The following ARHGAP42 variants were observed in gnomAD, a reference collection of about 807,000 sequenced individuals.
ARHGAP42 encodes Rho GTPase activating protein 42.
ARHGAP42 carries 63 observed loss-of-function variants against 125.0 expected under a neutral mutation model. The observed-to-expected ratio is 0.50, with a 90% confidence interval of 0.41 to 0.62. The LOEUF is 0.62. Among genes scored for constraint, ARHGAP42 ranks in the 20% least tolerant of loss-of-function variants. The pLI, the probability that ARHGAP42 is intolerant of heterozygous loss-of-function variation, is 0.00. For synonymous variants in ARHGAP42, 339 were observed against 351.0 expected, an observed-to-expected ratio of 0.97 and a Z score of 0.38; for missense variants, 766 against 1,024.2, an observed-to-expected ratio of 0.75 and a Z score of 3.44.
At chr11:100,903,709 A>AATATATATATATATATATATATATAT (rs139506492) in intron 4 of ARHGAP42, among the ~76,000 whole-genome samples, 1 of 63,516 alleles carries the variant, frequency 1.6e-5, no homozygotes, top group Non-Finnish European at 3.0e-5. Flanking sequence ...TGTCCCTCAA[A>AATATATATATATATATATATATATAT]ATATATATAT....
intron 4 of ARHGAP42, among the ~76,000 whole-genome samples, chr11:100,862,815 G>A (rs1239784486): frequency 6.6e-6 from 1 of 152,062 alleles, no homozygotes; most frequent in African/African-American, 2.4e-5. Context: ...TGGATCACCT[G>A]AGTTCGGGAG....
intron 1 of ARHGAP42, among the ~76,000 whole-genome samples, chr11:100,735,027 A>AAAC (rs1201558389): frequency 1.3e-5 from 2 of 152,174 alleles, no homozygotes; most frequent in African/African-American, 4.8e-5. Context: ...CAACAACAAC[A>AAAC]AAACCCTGTG....
intron 20 of ARHGAP42, 25 bp from the exon 21 acceptor site, chr11:100,976,790 C>G: frequency 6.5e-7 from 1 of 1,548,466 alleles, no homozygotes; most frequent in Non-Finnish European, 8.7e-7. Context: ...AGCACCTTGC[C>G]TATTTTCTTG....
At chr11:100,691,973 AATAC>A (rs1477473248) in intron 1 of ARHGAP42, among the ~76,000 whole-genome samples, 18 of 152,126 alleles carry the variant, frequency 1.2e-4, no homozygotes, top group Admixed American at 1.2e-3. Context: ...ATACACCATA[AATAC>A]ATACAACTTT....
chr11:100,849,911 T>C (rs550525136), intron 3 of ARHGAP42, among the ~76,000 whole-genome samples: 5 of 152,204 alleles, frequency 3.3e-5, no homozygotes, highest in Admixed American at 3.3e-4. Flanking sequence ...AATATTATGA[T>C]GCTTACGTTT....
At chr11:100,707,408 T>C (rs1244834743) in intron 1 of ARHGAP42, among the ~76,000 whole-genome samples, 1 of 152,224 alleles carries the variant, frequency 6.6e-6, no homozygotes, top group East Asian at 1.9e-4. Flanking sequence ...AAATTAATTA[T>C]TTTTCGTAAC....
intron 7 of ARHGAP42, 89 bp from the exon 8 acceptor site, chr11:100,936,110 AAAAT>A: frequency 6.8e-7 from 1 of 1,464,754 alleles, no homozygotes; most frequent in South Asian, 1.3e-5. Context: ...CTCTGTCTCA[AAAAT>A]AAATAAAAGC....
chr11:100,800,602 A>G (rs1231828856), intron 3 of ARHGAP42, among the ~76,000 whole-genome samples: 1 of 152,156 alleles, frequency 6.6e-6, no homozygotes, highest in Non-Finnish European at 1.5e-5. Flanking sequence ...AGATGAAGGA[A>G]GATCCGACCA....
At chr11:100,750,821 A>T (rs748697018) in intron 1 of ARHGAP42, among the ~76,000 whole-genome samples, 10 of 152,212 alleles carry the variant, frequency 6.6e-5, no homozygotes, top group Admixed American at 6.5e-5. Flanking sequence ...TACTGAACAT[A>T]CTGACATATT....
intron 5 of ARHGAP42, among the ~76,000 whole-genome samples, chr11:100,918,541 G>A (rs1450413125): frequency 6.6e-6 from 1 of 152,134 alleles, no homozygotes; most frequent in Non-Finnish European, 1.5e-5. Flanking sequence ...ATGAATCCTA[G>A]TGTTACTCTA....
chr11:100,769,163 T>A (rs1373236575), intron 1 of ARHGAP42, among the ~76,000 whole-genome samples: 1 of 152,236 alleles, frequency 6.6e-6, no homozygotes, highest in Non-Finnish European at 1.5e-5. Flanking sequence ...AAAAGATTTT[T>A]AAAAAGATGC....
intron 3 of ARHGAP42, among the ~76,000 whole-genome samples, chr11:100,808,083 A>G (rs1591197735): frequency 1.3e-5 from 2 of 152,252 alleles, no homozygotes; most frequent in South Asian, 2.1e-4. Context: ...ATAAACCTAA[A>G]TAGGCATGAG....
At chr11:100,715,258 A>G (rs73573374) in intron 1 of ARHGAP42, among the ~76,000 whole-genome samples, 2,441 of 151,914 alleles carry the variant, frequency 0.016, 75 homozygotes, top group African/African-American at 0.055. Flanking sequence ...CTACGCATTC[A>G]TTTCCTGTTC....
chr11:100,718,426 A>G (rs1171586407), intron 1 of ARHGAP42, among the ~76,000 whole-genome samples: 1 of 152,182 alleles, frequency 6.6e-6, no homozygotes, highest in Non-Finnish European at 1.5e-5. Flanking sequence ...ATTTTGTTCT[A>G]TTAAGAATAT....
intron 2 of ARHGAP42, among the ~76,000 whole-genome samples, chr11:100,785,822 T>G (rs1304313968): frequency 6.6e-6 from 1 of 152,232 alleles, no homozygotes; most frequent in Non-Finnish European, 1.5e-5. Flanking sequence ...GATAAGCCTG[T>G]TCTTTTCCTC....
intron 1 of ARHGAP42, among the ~76,000 whole-genome samples, chr11:100,726,535 A>C (rs1861864799): frequency 6.6e-6 from 1 of 152,250 alleles, no homozygotes; most frequent in Admixed American, 6.5e-5. Flanking sequence ...AAATGCAATG[A>C]CAGTTACCAT....
intron 3 of ARHGAP42, among the ~76,000 whole-genome samples, chr11:100,857,225 A>G (rs1457299336): frequency 6.6e-6 from 1 of 152,114 alleles, no homozygotes; most frequent in Non-Finnish European, 1.5e-5. Flanking sequence ...ACGGGAGAAG[A>G]AGAAAAAAAA....
intron 2 of ARHGAP42, among the ~76,000 whole-genome samples, chr11:100,776,976 T>C (rs1338679314): frequency 3.6e-5 from 4 of 111,992 alleles, no homozygotes; most frequent in African/African-American, 1.1e-4. Flanking sequence ...AAGTGAACAC[T>C]GTCTCAAAAA....
chr11:100,840,120 G>A (rs1178481750), intron 3 of ARHGAP42, among the ~76,000 whole-genome samples: 1 of 152,136 alleles, frequency 6.6e-6, no homozygotes, highest in Non-Finnish European at 1.5e-5. Flanking sequence ...AAGAACTCTT[G>A]AAAGAATGTA....
Sources: allele counts gnomAD v4.1 joint callset (sites outside exome capture counted in the v4.1 genomes callset), GRCh38; gene constraint gnomAD v4.1.1; transcripts MANE v1.5; gene names NCBI Gene and HGNC (gene_info 2026-07-23, HGNC 2026-07-21).